TBC1D5: variants seen among roughly 807,000 people sequenced by gnomAD.
The protein encoded by TBC1D5 is TBC1 domain family member 5.
Under a neutral mutation model 100.3 loss-of-function variants are expected in TBC1D5, and 75 were observed. That is an observed-to-expected ratio of 0.75 (90% CI 0.62 to 0.91). The LOEUF (loss-of-function observed/expected upper bound fraction) is 0.91. TBC1D5 is among the 40% of genes least tolerant of loss of function. The pLI is 0.00. For synonymous variants in TBC1D5, 323 were observed against 325.6 expected (o/e 0.99, Z 0.09); for missense variants, 910 against 942.4 (o/e 0.97, Z 0.45).
intron 9 of TBC1D5, among the ~76,000 whole-genome samples, chr3:17,380,808 A>C (rs1575608193): frequency 1.3e-5 from 2 of 152,082 alleles, no homozygotes; most frequent in East Asian, 3.9e-4. Context: ...CATTAATACC[A>C]TTTATATAAT....
At chr3:17,285,986 A>G (rs9864049) in intron 15 of TBC1D5, among the ~76,000 whole-genome samples, 1,770 of 152,350 alleles carry the variant, frequency 0.012, 34 homozygotes, top group African/African-American at 0.04. Flanking sequence ...ATAACAGTCA[A>G]TGCTAAAAGG....
chr3:17,302,471 T>C (rs926335422), intron 14 of TBC1D5, among the ~76,000 whole-genome samples: 4 of 151,810 alleles, frequency 2.6e-5, no homozygotes, highest in African/African-American at 9.7e-5. Flanking sequence ...ATATATCTTT[T>C]GTTGAGGGGG....
At chr3:17,234,030 G>A (rs1343548937) in intron 17 of TBC1D5, among the ~76,000 whole-genome samples, 1 of 152,054 alleles carries the variant, frequency 6.6e-6, no homozygotes, top group African/African-American at 2.4e-5. Context: ...ATTTTGCTGA[G>A]CATATTTCAT....
At chr3:17,486,287 T>C (rs551717199) in intron 3 of TBC1D5, among the ~76,000 whole-genome samples, 23 of 152,284 alleles carry the variant, frequency 1.5e-4, no homozygotes, top group African/African-American at 4.3e-4. Flanking sequence ...ATTTTGTAGG[T>C]TGCCTGTTCA....
chr3:17,419,104 G>A (rs1004929182), intron 4 of TBC1D5, among the ~76,000 whole-genome samples: 1 of 152,148 alleles, frequency 6.6e-6, no homozygotes, highest in African/African-American at 2.4e-5. Flanking sequence ...ATGCACATAC[G>A]CTGAAGAAAT....
chr3:17,417,195 T>G (rs1379549043), intron 4 of TBC1D5, among the ~76,000 whole-genome samples: 3 of 152,148 alleles, frequency 2.0e-5, no homozygotes, highest in Non-Finnish European at 4.4e-5. Flanking sequence ...TTATTATTTT[T>G]TAATTATTAT....
At chr3:17,204,583 G>A (rs1377313405) in intron 18 of TBC1D5, among the ~76,000 whole-genome samples, 1 of 152,122 alleles carries the variant, frequency 6.6e-6, no homozygotes, top group African/African-American at 2.4e-5. Flanking sequence ...TTTATATAGA[G>A]GATGAAGATA....
At chr3:17,343,408 A>C (rs1268501571) in intron 13 of TBC1D5, among the ~76,000 whole-genome samples, 3 of 149,966 alleles carry the variant, frequency 2.0e-5, no homozygotes, top group African/African-American at 7.4e-5. Context: ...TGTTCATCAA[A>C]GATATTGGTC....
chr3:17,295,731 G>T (rs562449110), intron 14 of TBC1D5, among the ~76,000 whole-genome samples: 1 of 152,126 alleles, frequency 6.6e-6, no homozygotes, highest in Non-Finnish European at 1.5e-5. Flanking sequence ...TAATAAAACA[G>T]AATGAAAACT....
intron 9 of TBC1D5, among the ~76,000 whole-genome samples, chr3:17,381,170 G>C (rs2092929442): frequency 6.6e-6 from 1 of 152,158 alleles, no homozygotes; most frequent in South Asian, 2.1e-4. Flanking sequence ...TCAAGAACCT[G>C]ATCTTCCATA....
chr3:17,329,608 G>A (rs1009075484), intron 13 of TBC1D5, among the ~76,000 whole-genome samples: 18 of 152,124 alleles, frequency 1.2e-4, no homozygotes, highest in Admixed American at 1.0e-3. Context: ...AGTGAGTTAC[G>A]AAGTATATTT....
intron 1 of TBC1D5, among the ~76,000 whole-genome samples, chr3:17,674,026 G>A (rs2068302731): frequency 6.6e-6 from 1 of 151,988 alleles, no homozygotes; most frequent in South Asian, 2.1e-4. Flanking sequence ...GACTTCCCTG[G>A]GGGAACCTGT....
intron 2 of TBC1D5, 87 bp from the exon 3 acceptor site, chr3:17,508,692 A>G (rs770632358): frequency 2.8e-4 from 178 of 636,654 alleles, no homozygotes; most frequent in Non-Finnish European, 4.6e-4. Context: ...TGATTACATG[A>G]GCATTACAGA....
At chr3:17,317,540 C>T (rs2084847337) in intron 13 of TBC1D5, among the ~76,000 whole-genome samples, 1 of 152,162 alleles carries the variant, frequency 6.6e-6, no homozygotes, top group Non-Finnish European at 1.5e-5. Context: ...GGATTGGCTC[C>T]TCCATTTTAT....
At chr3:17,535,179 CAG>C (rs1403279891) in intron 2 of TBC1D5, among the ~76,000 whole-genome samples, 1 of 152,110 alleles carries the variant, frequency 6.6e-6, no homozygotes, top group East Asian at 1.9e-4. Flanking sequence ...CATGCAAAAA[CAG>C]ATACGATTTT....
chr3:17,679,942 A>T (rs764762932), intron 1 of TBC1D5, among the ~76,000 whole-genome samples: 10 of 151,296 alleles, frequency 6.6e-5, no homozygotes, highest in Admixed American at 2.0e-4. Context: ...CACTCTCACA[A>T]TCGTGACAAG....
chr3:17,291,917 G>C, exon 15 of TBC1D5: 1 of 1,613,828 alleles, frequency 6.2e-7, no homozygotes, highest in Non-Finnish European at 8.5e-7. Context: ...AAGGAACAGA[G>C]CCTTAAGAAT....
exon 20 of TBC1D5, chr3:17,167,777 A>C: frequency 6.2e-7 from 1 of 1,612,952 alleles, no homozygotes; most frequent in East Asian, 2.2e-5. Flanking sequence ...GGAAACCAGA[A>C]TTTGATCTTC....
intron 2 of TBC1D5, among the ~76,000 whole-genome samples, chr3:17,595,995 G>C (rs1260734230): frequency 2.0e-5 from 3 of 152,224 alleles, no homozygotes; most frequent in Non-Finnish European, 4.4e-5. Context: ...GCTGAGGAAA[G>C]ACTTAGAGCA....
Sources: allele counts gnomAD v4.1 joint callset (sites outside exome capture counted in the v4.1 genomes callset), GRCh38; gene constraint gnomAD v4.1.1; transcripts MANE v1.5; gene names NCBI Gene and HGNC (gene_info 2026-07-23, HGNC 2026-07-21).